Variants in CCDC192 observed in about 807,000 individuals in gnomAD.
CCDC192 encodes the protein coiled-coil domain-containing protein 192.
chr5:127,751,695 T>C (rs1401622453), intron 2 of CCDC192, among the ~76,000 whole-genome samples: 1 of 152,214 alleles, frequency 6.6e-6, no homozygotes, highest in Non-Finnish European at 1.5e-5. Context: ...TCCTGGATAA[T>C]ATCCTGCAGA....
At chr5:127,861,640 C>T (rs144989114) in intron 5 of CCDC192, among the ~76,000 whole-genome samples, 3 of 152,108 alleles carry the variant, frequency 2.0e-5, no homozygotes, top group East Asian at 2.0e-4. Flanking sequence ...GGCGACAAAG[C>T]GAGACTCCTT....
chr5:127,703,688 A>G (rs1750803308), intron 1 of CCDC192, among the ~76,000 whole-genome samples, 181 bp downstream of exon 1: 1 of 152,222 alleles, frequency 6.6e-6, no homozygotes, highest in African/African-American at 2.4e-5. Flanking sequence ...CCCAGATCAC[A>G]GGGCATGGCC....
At chr5:127,789,628 G>A (rs553330023) in intron 3 of CCDC192, among the ~76,000 whole-genome samples, 46 of 152,346 alleles carry the variant, frequency 3.0e-4, no homozygotes, top group South Asian at 8.3e-4. Context: ...TGTGAAACAC[G>A]GACCTAATCA....
chr5:127,764,750 T>A (rs1444381609), intron 3 of CCDC192, among the ~76,000 whole-genome samples: 1 of 151,844 alleles, frequency 6.6e-6, no homozygotes, highest in East Asian at 1.9e-4. Flanking sequence ...AAAAAAAAAA[T>A]TCACAAAAAA....
intron 6 of CCDC192, among the ~76,000 whole-genome samples, chr5:127,921,837 G>A (rs1561553024): frequency 1.3e-5 from 2 of 152,222 alleles, no homozygotes; most frequent in Admixed American, 6.5e-5. Flanking sequence ...TAATTTGCCC[G>A]AGAGTATATC....
intron 6 of CCDC192, among the ~76,000 whole-genome samples, chr5:127,899,534 T>C (rs1023553651): frequency 2.3e-4 from 28 of 122,702 alleles, no homozygotes; most frequent in Non-Finnish European, 3.4e-5. Flanking sequence ...CTGCCAGCCA[T>C]AAAAGTAAAC....
At chr5:127,909,512 T>G (rs1478175677) in intron 6 of CCDC192, among the ~76,000 whole-genome samples, 1 of 152,204 alleles carries the variant, frequency 6.6e-6, no homozygotes, top group East Asian at 1.9e-4. Flanking sequence ...TTAACATGTT[T>G]GCTACTTTTT....
chr5:127,827,602 T>C lies in CCDC192; in HGVS notation c.411+29440T>C, dbSNP rs542162705. 2.0e-5 allele frequency among the ~76,000 whole-genome samples: 3 copies of C among 152,334 alleles called. No homozygotes were observed. The South Asian group carries it at 6.2e-4, about 32-fold the overall frequency. The stretch of plus-strand genomic sequence containing the variant: ...TAAATATTTAATTAGTGTAAAAGAA[T>C]TGGGCGTGGTCTGCGGAAGAACGCC... On this transcript the variant is annotated intron_variant, in intron 5 of 6. Coordinates refer to ENST00000514853, the MANE Select transcript of CCDC192 (RefSeq NM_001317938.2).
At chr5:127,779,587 G>A (rs138547670) in intron 3 of CCDC192, among the ~76,000 whole-genome samples, 2,547 of 152,226 alleles carry the variant, frequency 0.017, 34 homozygotes, top group African/African-American at 0.039. Flanking sequence ...GAGCCACTGC[G>A]CCTAGCCTGG....
At chr5:127,798,906 G>A (rs1214851778) in intron 5 of CCDC192, among the ~76,000 whole-genome samples, 3 of 151,940 alleles carry the variant, frequency 2.0e-5, no homozygotes, top group African/African-American at 7.3e-5. Context: ...TTTACTCTGA[G>A]AACAACACAT....
At chr5:127,747,259 T>C (rs1357931796) in intron 2 of CCDC192, among the ~76,000 whole-genome samples, 3 of 150,400 alleles carry the variant, frequency 2.0e-5, no homozygotes, top group African/African-American at 4.9e-5. Flanking sequence ...CTCCCCCCTC[T>C]CCCCACCCCG....
intron 2 of CCDC192, among the ~76,000 whole-genome samples, chr5:127,730,440 G>A (rs559788465): frequency 6.6e-5 from 10 of 152,018 alleles, no homozygotes; most frequent in Non-Finnish European, 1.3e-4. Flanking sequence ...TTCTACCAGA[G>A]GTACAAAAAG....
intron 3 of CCDC192, among the ~76,000 whole-genome samples, chr5:127,757,228 T>G (rs1449690359): frequency 6.6e-6 from 1 of 152,218 alleles, no homozygotes; most frequent in Non-Finnish European, 1.5e-5. Context: ...AGCATTAAGT[T>G]GCAGGATCTG....
intron 3 of CCDC192, among the ~76,000 whole-genome samples, chr5:127,774,071 A>C (rs959217418): frequency 6.6e-6 from 1 of 152,134 alleles, no homozygotes; most frequent in African/African-American, 2.4e-5. Context: ...CTTTAGAGAA[A>C]TGTCTACTCA....
intron 2 of CCDC192, among the ~76,000 whole-genome samples, chr5:127,724,876 C>T (rs810996): frequency 6.7e-6 from 1 of 149,374 alleles, no homozygotes; most frequent in Non-Finnish European, 1.5e-5. Flanking sequence ...AGAAAAGAAA[C>T]GTCTAGTTTC....
intron 5 of CCDC192, among the ~76,000 whole-genome samples, chr5:127,872,976 T>TA (rs1751924739): frequency 6.6e-6 from 1 of 152,318 alleles, no homozygotes; most frequent in Non-Finnish European, 1.5e-5. Flanking sequence ...AATATTTTTT[T>TA]AAAAAGAGTT....
chr5:127,800,577 A>G (rs1177601777), intron 5 of CCDC192, among the ~76,000 whole-genome samples: 1 of 152,112 alleles, frequency 6.6e-6, no homozygotes, highest in African/African-American at 2.4e-5. Context: ...TGGCTGGTAC[A>G]CGGCATCAAA....
At chr5:127,909,764 A>G (rs1448092980) in intron 6 of CCDC192, among the ~76,000 whole-genome samples, 1 of 152,244 alleles carries the variant, frequency 6.6e-6, no homozygotes. Flanking sequence ...TGGACTAATG[A>G]TAAATTCTTC....
intron 2 of CCDC192, among the ~76,000 whole-genome samples, chr5:127,719,478 TATATATATATATATATACACACACATAC>T (rs1751843336): frequency 5.1e-5 from 1 of 19,692 alleles, no homozygotes; most frequent in African/African-American, 1.6e-4. Flanking sequence ...GACACATACA[TATATATATATATATATACACACACATAC>T]ATATATATAT....
Sources: allele counts gnomAD v4.1 joint callset (sites outside exome capture counted in the v4.1 genomes callset), GRCh38; gene constraint gnomAD v4.1.1; transcripts MANE v1.5; gene names NCBI Gene and HGNC (gene_info 2026-07-23, HGNC 2026-07-21).